Variants in LAMB4 observed in about 807,000 individuals in gnomAD.
The protein encoded by LAMB4 is laminin subunit beta 4.
Under a neutral mutation model 199.2 loss-of-function variants are expected in LAMB4, and 196 were observed. The observed-to-expected ratio is 0.98, with a 90% confidence interval of 0.88 to 1.11. LAMB4 has a LOEUF of 1.11. Ranked by LOEUF, LAMB4 falls within the 50% of genes least tolerant of loss-of-function variation. The pLI is 0.00. For missense variants in LAMB4, 2,080 were observed against 2,171.2 expected, an observed-to-expected ratio of 0.96 and a Z score of 0.83; for synonymous variants, 744 against 770.6, an observed-to-expected ratio of 0.97 and a Z score of 0.57.
intron 2 of LAMB4, among the ~76,000 whole-genome samples, chr7:108,119,337 C>A (rs761817802): frequency 1.3e-5 from 2 of 152,140 alleles, no homozygotes; most frequent in African/African-American, 4.8e-5. Context: ...ATACAAATGT[C>A]CACAGCATCT....
chr7:108,058,820 C>A (rs571205902), intron 23 of LAMB4, among the ~76,000 whole-genome samples: 1 of 152,134 alleles, frequency 6.6e-6, no homozygotes, highest in African/African-American at 2.4e-5. Flanking sequence ...CCACACCCGG[C>A]AATTTTTTGT....
At chr7:108,015,735 G>A in the LAMB4 span, among the ~76,000 whole-genome samples, 2 of 147,198 alleles carry the variant, frequency 1.4e-5, no homozygotes, top group Non-Finnish European at 3.0e-5. Flanking sequence ...AACAGCATGG[G>A]AAGTTTTGAA....
chr7:108,019,129 C>G (rs1213936886), downstream of LAMB4, among the ~76,000 whole-genome samples: 1 of 152,100 alleles, frequency 6.6e-6, no homozygotes, highest in East Asian at 1.9e-4. Flanking sequence ...ATAAATTTAT[C>G]TCATAGTTCT....
rs114718389 is a variant in LAMB4 at position 108,038,770 on chromosome 7, G to T, written c.4472-1175C>A. Among the ~76,000 whole-genome samples, 707 of 152,226 alleles carry T rather than the reference G, an allele frequency of 4.6e-3. 2 individuals are homozygous for T. The highest frequency in any genetic ancestry group is 0.016 in the African/African-American group (675 of 41,542). On this transcript the variant is annotated intron_variant, in intron 29 of 33. Transcript: ENST00000388781. ...GTGGCCCAGGGAAGCCAAAAGATTG[G>T]ATACTCCTGTGTTACAGCAAAGCCA... is the stretch of plus-strand genomic sequence containing the variant.
chr7:108,051,682 GTT>G (rs950296130), intron 26 of LAMB4, among the ~76,000 whole-genome samples: 3 of 151,510 alleles, frequency 2.0e-5, no homozygotes. Flanking sequence ...ATATTGTGGG[GTT>G]TTTTTTGCCT....
chr7:108,106,618 G>A lies in LAMB4; in HGVS notation c.592-46C>T, dbSNP rs559187229. On this transcript the variant is annotated intron_variant, in intron 6 of 33. Coordinates refer to ENST00000388781, the MANE Select transcript of LAMB4 (RefSeq NM_007356.3). ...CATTTATAGTATATTACCTGAAAAC[G>A]TAATTGTCAAACACACTCTTTTTTT... The A allele has an allele frequency of 4.1e-5, 44 of 1,075,118 alleles. 1 individual carries two copies. The Middle Eastern group carries it at 7.7e-4, about 19-fold the overall frequency. The allele number at this position is 1,075,118 out of a possible 1,614,324, so 66.6% of individuals were successfully genotyped here. A position where few individuals can be genotyped will look rare whatever the true frequency, so the allele number is the denominator to read the frequency against.
intron 33 of LAMB4, among the ~76,000 whole-genome samples, chr7:108,027,713 C>T (rs1011818395): frequency 6.6e-6 from 1 of 152,048 alleles, no homozygotes; most frequent in Non-Finnish European, 1.5e-5. Context: ...ACATGATTGC[C>T]CCCAAAAATC....
chr7:108,128,897 T>A (rs1265317745), intron 1 of LAMB4, among the ~76,000 whole-genome samples: 2 of 152,192 alleles, frequency 1.3e-5, no homozygotes, highest in African/African-American at 4.8e-5. Flanking sequence ...ACAAAACATT[T>A]TCCCTCCTTT....
intron 1 of LAMB4, among the ~76,000 whole-genome samples, chr7:108,127,809 T>C (rs1299004134): frequency 6.6e-6 from 1 of 152,196 alleles, no homozygotes; most frequent in East Asian, 1.9e-4. Context: ...AGTAAGACTC[T>C]GCAGGCTGTC....
At chr7:108,043,552 T>G (rs1161565002) in intron 29 of LAMB4, among the ~76,000 whole-genome samples, 200 bp downstream of exon 29, 16 of 7,432 alleles carry the variant, frequency 2.2e-3, no homozygotes, top group Non-Finnish European at 3.7e-3. Flanking sequence ...GATGTTTTTT[T>G]TTTTTTTTTT....
In LAMB4 at chr7:108,123,135, G is replaced by A; in HGVS notation, c.30C>T (p.His10=). 1 of 1,609,106 alleles carries A rather than the reference G, an allele frequency of 6.2e-7. No individual in the cohort carries two copies. The highest frequency in any genetic ancestry group is 8.5e-7 in the Non-Finnish European group (1 of 1,178,454). ...ATTTTGACAACAAATACTCACCAAG[G>A]TGCAAAAAAAGGGTCAGTTGAAATT... The part of the protein sequence containing the change: MQFQLTLFL[H]LGWLSYSKAQ... Residue 10 remains histidine (H), a synonymous_variant, in exon 2 of 34, where the codon CAC becomes CAT. Coordinates refer to ENST00000388781, the MANE Select transcript of LAMB4 (RefSeq NM_007356.3).
At chr7:108,088,908 T>C (rs553636065) in intron 14 of LAMB4, among the ~76,000 whole-genome samples, 1 of 152,298 alleles carries the variant, frequency 6.6e-6, no homozygotes, top group East Asian at 1.9e-4. Context: ...TGTTTAGAGT[T>C]CCCAGCTAAG....
intron 31 of LAMB4, among the ~76,000 whole-genome samples, chr7:108,031,369 G>GAAAAAAA (rs371230419): frequency 1.2e-5 from 1 of 81,168 alleles, no homozygotes; most frequent in Non-Finnish European, 2.5e-5. Context: ...AAAAGGAAAA[G>GAAAAAAA]AAAAAAAAAA....
At chr7:108,112,557 T>C (rs1272833161) in intron 3 of LAMB4, among the ~76,000 whole-genome samples, 1 of 152,124 alleles carries the variant, frequency 6.6e-6, no homozygotes, top group African/African-American at 2.4e-5. Flanking sequence ...CCTCCGAAAG[T>C]GATGAGATTA....
the LAMB4 span, among the ~76,000 whole-genome samples, chr7:108,016,501 C>A: frequency 3.9e-5 from 6 of 152,246 alleles, no homozygotes; most frequent in South Asian, 1.2e-3. Context: ...CCAGGTTGGT[C>A]TCAAACTCCT....
At chr7:108,067,869 CA>C in intron 19 of LAMB4, 146 bp downstream of exon 19, 1 of 984,726 alleles carries the variant, frequency 1.0e-6, no homozygotes, top group South Asian at 1.5e-5. Context: ...AAAAAATGTT[CA>C]GTATATTTTA....
At chr7:108,105,772 A>C in intron 8 of LAMB4, 45 bp downstream of exon 8, 2 of 1,537,536 alleles carry the variant, frequency 1.3e-6, no homozygotes, top group Non-Finnish European at 9.0e-7. Context: ...AGGACAGTGA[A>C]AGGCAGGTAG....
intron 31 of LAMB4, among the ~76,000 whole-genome samples, chr7:108,033,846 C>A (rs978303846): frequency 2.8e-5 from 4 of 143,310 alleles, no homozygotes; most frequent in Non-Finnish European, 4.5e-5. Flanking sequence ...TTTTTGTGAG[C>A]TTTTAAAAAG....
intron 17 of LAMB4, among the ~76,000 whole-genome samples, chr7:108,070,433 T>C (rs969921699): frequency 1.3e-5 from 2 of 152,196 alleles, no homozygotes; most frequent in African/African-American, 4.8e-5. Context: ...AGGTTTGAAC[T>C]GCATGGGTCC....
Sources: gnomAD v4.1 joint callset for allele counts (sites outside exome capture counted in the v4.1 genomes callset) on GRCh38, gnomAD v4.1.1 for gene constraint, MANE v1.5 for transcripts, NCBI Gene and HGNC (gene_info 2026-07-23, HGNC 2026-07-21) for gene names.